The following KCNAB1 variants were observed in gnomAD, a reference collection of about 807,000 sequenced individuals.
KCNAB1 encodes the protein voltage-gated potassium channel subunit beta-1.
KCNAB1 carries 35 observed loss-of-function variants against 64.6 expected under a neutral mutation model. The ratio of observed to expected loss-of-function variants is 0.54; its 90% CI spans 0.41 to 0.72. KCNAB1 has a LOEUF of 0.72. Among genes scored for constraint, KCNAB1 ranks in the 30% least tolerant of loss-of-function variants. KCNAB1 has a pLI of 0.00. For synonymous variants in KCNAB1, 177 were observed against 183.8 expected, an observed-to-expected ratio of 0.96 and a Z score of 0.30; for missense variants, 401 against 512.9, an observed-to-expected ratio of 0.78 and a Z score of 2.11.
chr3:156,291,794 A>AGG, intron 1 of KCNAB1: 1 of 1,540,578 alleles, frequency 6.5e-7, no homozygotes, highest in Non-Finnish European at 8.7e-7. Flanking sequence ...ATCCCCAGGA[A>AGG]GGGGGAGCAA....
chr3:156,187,244 G>T (rs1713260387), intron 1 of KCNAB1, among the ~76,000 whole-genome samples: 2 of 152,082 alleles, frequency 1.3e-5, no homozygotes, highest in Non-Finnish European at 2.9e-5. Context: ...TGCTTGGCTG[G>T]CTTTCTTTTC....
chr3:156,273,184 G>A (rs1474235510), intron 1 of KCNAB1, among the ~76,000 whole-genome samples: 1 of 152,074 alleles, frequency 6.6e-6, no homozygotes, highest in African/African-American at 2.4e-5. Context: ...TTGGGAGTGG[G>A]GAAGGGGTGG....
chr3:156,420,097 T>C (rs184725421), intron 1 of KCNAB1, among the ~76,000 whole-genome samples: 3 of 152,366 alleles, frequency 2.0e-5, no homozygotes, highest in Non-Finnish European at 4.4e-5. Context: ...GTCCAGTTCA[T>C]ATGGGAAAAT....
chr3:156,417,719 G>GAAAAAAAAAAAAAAAAAAA (rs200175870), intron 1 of KCNAB1, among the ~76,000 whole-genome samples: 2 of 130,258 alleles, frequency 1.5e-5, no homozygotes, highest in African/African-American at 5.8e-5. Context: ...TGCCTTAAAA[G>GAAAAAAAAAAAAAAAAAAA]AAAAAAAAAA....
At chr3:156,309,542 C>T (rs901046478) in intron 1 of KCNAB1, among the ~76,000 whole-genome samples, 5 of 152,234 alleles carry the variant, frequency 3.3e-5, no homozygotes, top group African/African-American at 7.2e-5. Flanking sequence ...GAATGCTACT[C>T]CTTTCAGCTT....
rs184567965 is a variant in KCNAB1 at position 156,396,825 on chromosome 3, A to T, written c.276-24791A>T. Among the ~76,000 whole-genome samples the T allele has an allele frequency of 5.0e-3, 764 of 152,312 alleles. 10 individuals are homozygous for T. The highest frequency in any genetic ancestry group is 0.016 in the African/African-American group (678 of 41,574). ...AAGTTATACAAGCCATGCTGGGGAA[A>T]CCTGAGTTTCATGAGGATTTTGTTC... is the stretch of plus-strand genomic sequence containing the variant. On this transcript the variant is annotated intron_variant, in intron 1 of 13. Transcript: ENST00000490337.
chr3:156,166,094 G>T (rs1711547639), intron 1 of KCNAB1, among the ~76,000 whole-genome samples: 1 of 152,202 alleles, frequency 6.6e-6, no homozygotes, highest in South Asian at 2.1e-4. Flanking sequence ...TATTACAAGA[G>T]AAAGAGAGAA....
At chr3:156,531,642 A>C (rs890960190) in intron 13 of KCNAB1, 145 bp downstream of exon 13, 3 of 685,036 alleles carry the variant, frequency 4.4e-6, no homozygotes, top group African/African-American at 3.5e-5. Context: ...TTCCCAGTAC[A>C]TGGATCCAGG....
chr3:156,420,162 G>A (rs1715372784), intron 1 of KCNAB1, among the ~76,000 whole-genome samples: 1 of 152,212 alleles, frequency 6.6e-6, no homozygotes, highest in Non-Finnish European at 1.5e-5. Flanking sequence ...AAATCGCTAT[G>A]CCTTGCATTT....
At chr3:156,272,440 T>C (rs923000528) in intron 1 of KCNAB1, among the ~76,000 whole-genome samples, 2 of 152,190 alleles carry the variant, frequency 1.3e-5, no homozygotes, top group South Asian at 4.1e-4. Flanking sequence ...TTTTTCCAAC[T>C]CTTCCCTCCC....
intron 1 of KCNAB1, among the ~76,000 whole-genome samples, chr3:156,264,852 C>T (rs998033901): frequency 6.6e-6 from 1 of 152,164 alleles, no homozygotes; most frequent in Non-Finnish European, 1.5e-5. Context: ...TTTGGTTTAA[C>T]ATTTTCAGAG....
At chr3:156,443,224 AGT>A (rs1717134136) in intron 2 of KCNAB1, among the ~76,000 whole-genome samples, 2 of 152,070 alleles carry the variant, frequency 1.3e-5, no homozygotes, top group South Asian at 4.1e-4. Context: ...AACAGGCCCC[AGT>A]GTGTGTTGTT....
chr3:156,368,766 A>T (rs1007231186), intron 1 of KCNAB1, among the ~76,000 whole-genome samples: 1 of 152,192 alleles, frequency 6.6e-6, no homozygotes, highest in Non-Finnish European at 1.5e-5. Context: ...TTAAAAGGTA[A>T]AATAAAGTTA....
chr3:156,354,646 G>T (rs549218203), intron 1 of KCNAB1, among the ~76,000 whole-genome samples: 3 of 149,906 alleles, frequency 2.0e-5, no homozygotes, highest in South Asian at 2.1e-4. Flanking sequence ...TTGCTAAAAG[G>T]TACACTCAGA....
At chr3:156,290,957 A>G in intron 1 of KCNAB1, 1 of 985,134 alleles carries the variant, frequency 1.0e-6, no homozygotes, top group Non-Finnish European at 1.2e-6. Context: ...GCTGTGTTTC[A>G]GCAAGCCAGT....
intron 8 of KCNAB1, among the ~76,000 whole-genome samples, chr3:156,481,154 T>C (rs1396558398): frequency 1.3e-5 from 2 of 152,064 alleles, no homozygotes; most frequent in Admixed American, 1.3e-4. Flanking sequence ...TCTTTAGAAA[T>C]CTGATTGATA....
intron 2 of KCNAB1, among the ~76,000 whole-genome samples, chr3:156,426,683 A>G (rs1715843342): frequency 6.6e-6 from 1 of 152,188 alleles, no homozygotes; most frequent in Non-Finnish European, 1.5e-5. Context: ...TACTGTCTGC[A>G]TAGTTTTGCC....
At chr3:156,354,872 A>G (rs1275240122) in intron 1 of KCNAB1, among the ~76,000 whole-genome samples, 1 of 152,210 alleles carries the variant, frequency 6.6e-6, no homozygotes, top group African/African-American at 2.4e-5. Flanking sequence ...TTTGTATTCA[A>G]GTTTCCAACC....
At chr3:156,489,955 G>A (rs1715516404) in intron 8 of KCNAB1, among the ~76,000 whole-genome samples, 2 of 152,094 alleles carry the variant, frequency 1.3e-5, no homozygotes, top group Non-Finnish European at 2.9e-5. Flanking sequence ...AGGATACAGA[G>A]CTACTAAAGC....
Sources: allele counts gnomAD v4.1 joint callset (sites outside exome capture counted in the v4.1 genomes callset), GRCh38; gene constraint gnomAD v4.1.1; transcripts MANE v1.5; gene names NCBI Gene and HGNC (gene_info 2026-07-23, HGNC 2026-07-21).